SPATA6: variants seen among roughly 807,000 people sequenced by gnomAD.
SPATA6 encodes the protein spermatogenesis associated 6.
A neutral mutation model predicts 65.3 loss-of-function variants in SPATA6; 56 were observed. That is an observed-to-expected ratio of 0.86 (90% CI 0.69 to 1.07). The LOEUF is 1.07. Among genes scored for constraint, SPATA6 ranks in the 50% least tolerant of loss-of-function variants. The pLI is 0.00. For synonymous variants in SPATA6, 199 were observed against 213.2 expected, an observed-to-expected ratio of 0.93 and a Z score of 0.58; for missense variants, 590 against 594.8, an observed-to-expected ratio of 0.99 and a Z score of 0.08.
At chr1:48,434,923 T>C (rs1654753151) in intron 3 of SPATA6, among the ~76,000 whole-genome samples, 1 of 151,834 alleles carries the variant, frequency 6.6e-6, no homozygotes, top group Admixed American at 6.6e-5. Flanking sequence ...GAATGTAAAA[T>C]TGCCCTATTA....
At chr1:48,451,137 A>G (rs1004900871) in intron 3 of SPATA6, among the ~76,000 whole-genome samples, 12 of 152,238 alleles carry the variant, frequency 7.9e-5, no homozygotes, top group African/African-American at 2.7e-4. Context: ...GCAAAAGCAT[A>G]TATTTTAAGC....
chr1:48,325,774 A>C, intron 11 of SPATA6: 1 of 464,322 alleles, frequency 2.2e-6, no homozygotes, highest in South Asian at 2.1e-5. Flanking sequence ...TGGATGCGTC[A>C]AATGAGACCC....
intron 1 of SPATA6, among the ~76,000 whole-genome samples, chr1:48,459,168 G>A (rs771392789): frequency 1.5e-5 from 2 of 129,596 alleles, no homozygotes; most frequent in Non-Finnish European, 3.1e-5. Context: ...TCGCACCACT[G>A]CACACCAGCC....
intron 4 of SPATA6, 98 bp downstream of exon 4, chr1:48,413,012 C>A (rs1652396076): frequency 2.9e-6 from 1 of 346,032 alleles, no homozygotes; most frequent in Non-Finnish European, 4.7e-6. Context: ...TATATTATAT[C>A]CTTATCAAAT....
At chr1:48,451,102 T>G (rs1656527256) in intron 3 of SPATA6, among the ~76,000 whole-genome samples, 1 of 152,364 alleles carries the variant, frequency 6.6e-6, no homozygotes, top group South Asian at 2.1e-4. Flanking sequence ...AATAATTTAT[T>G]AATGTAATGA....
At chr1:48,404,136 A>G (rs1056380000) in intron 5 of SPATA6, among the ~76,000 whole-genome samples, 6 of 152,244 alleles carry the variant, frequency 3.9e-5, no homozygotes, top group Non-Finnish European at 5.9e-5. Flanking sequence ...TTCATTTTTA[A>G]GTATTTCCCT....
intron 11 of SPATA6, among the ~76,000 whole-genome samples, chr1:48,331,852 C>T (rs982721564): frequency 6.6e-6 from 1 of 152,116 alleles, no homozygotes; most frequent in South Asian, 2.1e-4. Context: ...CTAGGGGAAC[C>T]CTATCAGACT....
At chr1:48,327,950 T>A (rs986031647) in intron 11 of SPATA6, among the ~76,000 whole-genome samples, 1 of 152,100 alleles carries the variant, frequency 6.6e-6, no homozygotes, top group African/African-American at 2.4e-5. Flanking sequence ...GTAACAAACA[T>A]AGAATGTACC....
chr1:48,273,450 G>T, the SPATA6 span, among the ~76,000 whole-genome samples: 3 of 152,058 alleles, frequency 2.0e-5, no homozygotes, highest in Non-Finnish European at 2.9e-5. Context: ...CCATCAACCA[G>T]TCATCTACAT....
chr1:48,262,392 TACAA>T, the SPATA6 span: 4 of 152,230 alleles, frequency 2.6e-5, no homozygotes, highest in East Asian at 1.9e-4. Context: ...AGAGTTCTGG[TACAA>T]ACAAACAAGG....
chr1:48,386,484 G>A (rs771836413), intron 8 of SPATA6, among the ~76,000 whole-genome samples: 1 of 152,170 alleles, frequency 6.6e-6, no homozygotes, highest in Non-Finnish European at 1.5e-5. Flanking sequence ...AGAGCAGATA[G>A]ATAATCATAC....
At chr1:48,322,962 C>T (rs1287622122) in intron 11 of SPATA6, among the ~76,000 whole-genome samples, 1 of 152,206 alleles carries the variant, frequency 6.6e-6, no homozygotes, top group East Asian at 1.9e-4. Flanking sequence ...AACCCTTTTA[C>T]ACTGTTGGTA....
the SPATA6 span, among the ~76,000 whole-genome samples, chr1:48,279,335 T>G: frequency 1.2e-4 from 18 of 152,156 alleles, no homozygotes; most frequent in Non-Finnish European, 2.5e-4. Context: ...ATAACGATAT[T>G]AACTTTAAAT....
At chr1:48,300,573 C>G (rs1644912899) in intron 12 of SPATA6, among the ~76,000 whole-genome samples, 1 of 152,026 alleles carries the variant, frequency 6.6e-6, no homozygotes, top group Non-Finnish European at 1.5e-5. Flanking sequence ...ATAAGACTAG[C>G]ATTACCCTGG....
At chr1:48,421,809 T>G (rs577299451) in intron 3 of SPATA6, among the ~76,000 whole-genome samples, 310 of 152,116 alleles carry the variant, frequency 2.0e-3, no homozygotes, top group Non-Finnish European at 3.5e-3. Context: ...CCCAAAACAT[T>G]AGTAGTAACA....
intron 9 of SPATA6, among the ~76,000 whole-genome samples, chr1:48,371,280 TAGATAGATAGATAGA>T (rs1557629894): frequency 7.0e-6 from 1 of 143,486 alleles, no homozygotes; most frequent in African/African-American, 2.9e-5. Flanking sequence ...TATAGATAGA[TAGATAGATAGATAGA>T]TAGATAGATA....
At chr1:48,289,552 A>C in the SPATA6 span, among the ~76,000 whole-genome samples, 2 of 152,150 alleles carry the variant, frequency 1.3e-5, no homozygotes, top group African/African-American at 2.4e-5. Flanking sequence ...AAACTTCTCC[A>C]AGCTAAAGGA....
chr1:48,309,998 C>T (rs1183575870), intron 11 of SPATA6, among the ~76,000 whole-genome samples: 3 of 152,124 alleles, frequency 2.0e-5, no homozygotes, highest in African/African-American at 7.2e-5. Context: ...AAGTACATAG[C>T]CTTGGACATA....
intron 11 of SPATA6, among the ~76,000 whole-genome samples, chr1:48,344,720 C>T (rs1282971410): frequency 3.3e-5 from 5 of 151,902 alleles, no homozygotes; most frequent in South Asian, 2.1e-4. Flanking sequence ...ATCGGGATTG[C>T]GATTCTAGTT....
Sources: gnomAD v4.1 joint callset for allele counts (sites outside exome capture counted in the v4.1 genomes callset) on GRCh38, gnomAD v4.1.1 for gene constraint, MANE v1.5 for transcripts, NCBI Gene and HGNC (gene_info 2026-07-23, HGNC 2026-07-21) for gene names.